Variants in ERP44 observed in about 807,000 individuals in gnomAD.
ERP44 encodes endoplasmic reticulum protein 44.
A neutral mutation model predicts 53.4 loss-of-function variants in ERP44; 25 were observed. The ratio of observed to expected loss-of-function variants is 0.47; its 90% CI spans 0.34 to 0.65. The LOEUF (loss-of-function observed/expected upper bound fraction) is 0.65. Ranked by LOEUF, ERP44 falls within the 30% of genes least tolerant of loss-of-function variation. The pLI is 0.01. For missense variants in ERP44, 338 were observed against 493.2 expected, an observed-to-expected ratio of 0.69 and a Z score of 2.98; for synonymous variants, 145 against 161.2, an observed-to-expected ratio of 0.90 and a Z score of 0.76.
At chr9:100,097,753 G>A (rs1422110150) in intron 1 of ERP44, among the ~76,000 whole-genome samples, 2 of 152,198 alleles carry the variant, frequency 1.3e-5, no homozygotes, top group African/African-American at 4.8e-5. Flanking sequence ...AACATTTAAT[G>A]GGATATGGCG....
At chr9:100,068,854 G>GA (rs1432871937) in intron 1 of ERP44, among the ~76,000 whole-genome samples, 1 of 152,250 alleles carries the variant, frequency 6.6e-6, no homozygotes, top group Non-Finnish European at 1.5e-5. Context: ...GGAAAGGGGG[G>GA]AAAGGTGGGG....
rs541468591 is a variant in ERP44, at chr9:100,010,038, G to C, written c.763-2349C>G. Among the ~76,000 whole-genome samples, 9 of 152,122 alleles carry C rather than the reference G, an allele frequency of 5.9e-5. No homozygotes were observed. In the South Asian group the frequency reaches 1.0e-3, roughly 18 times the overall value. ...GTGCCCCTCATGTGGCACGGGGCAT[G>C]ACTTTGTGTTACGTTATCTGTACAT... On this transcript the variant is annotated intron_variant, in intron 8 of 11. Coordinates refer to ENST00000262455, the MANE Select transcript of ERP44 (RefSeq NM_015051.3).
intron 8 of ERP44, among the ~76,000 whole-genome samples, chr9:100,009,261 A>G (rs1161817620): frequency 6.6e-6 from 1 of 152,124 alleles, no homozygotes; most frequent in Non-Finnish European, 1.5e-5. Flanking sequence ...ACAAGTGCAC[A>G]TCACCATGCC....
intron 1 of ERP44, among the ~76,000 whole-genome samples, chr9:100,079,341 C>T (rs1364880524): frequency 6.6e-6 from 1 of 151,924 alleles, no homozygotes; most frequent in Non-Finnish European, 1.5e-5. Flanking sequence ...TCTCCTTGCT[C>T]CTCAGCTTGC....
At chr9:99,986,265 T>A (rs1422804619) in intron 10 of ERP44, among the ~76,000 whole-genome samples, 1 of 152,222 alleles carries the variant, frequency 6.6e-6, no homozygotes, top group African/African-American at 2.4e-5. Flanking sequence ...CAAGCATGTC[T>A]TTTTTAAATT....
Position 99,982,531 on chromosome 9 carries a change from A to T in ERP44, c.*81T>A. ...TATTCAAAATAAAAATACACATAGA[A>T]TTATGAAAATATAGGTTTACTATTT... On this transcript the variant is annotated 3_prime_UTR_variant, in exon 12 of 12. Coordinates refer to ENST00000262455, the MANE Select transcript of ERP44 (RefSeq NM_015051.3). 1.6e-6 allele frequency: 1 copy of T among 630,188 alleles called. No individual in the cohort carries two copies. The highest frequency in any genetic ancestry group is 2.4e-6 in the Non-Finnish European group (1 of 413,488). 39.0% of individuals were successfully genotyped at this position (630,188 alleles called of 1,614,324 possible).
chr9:100,089,246 G>A (rs186091666), intron 1 of ERP44, among the ~76,000 whole-genome samples: 6 of 152,144 alleles, frequency 3.9e-5, no homozygotes, highest in African/African-American at 9.6e-5. Context: ...ACTTAATAAT[G>A]GCTCCAAAGC....
rs146487458 is a variant in ERP44 at position 100,043,487 on chromosome 9, G to A, written c.286+8930C>T. On this transcript the variant is annotated intron_variant, in intron 4 of 11. Coordinates refer to ENST00000262455, the MANE Select transcript of ERP44 (RefSeq NM_015051.3). ...AAATATCTTTTGGCCTGGCGCAGTG[G>A]CTCACGCCTGTAGTCCCAGAACTTT... Among the ~76,000 whole-genome samples, 526 of 152,084 alleles carry A rather than the reference G, an allele frequency of 3.5e-3. 2 individuals carry two copies. Among genetic ancestry groups the A allele is most frequent in the African/African-American group, 0.011 (472 of 41,486 alleles).
At chr9:99,982,898 T>C (rs1371455067) in intron 11 of ERP44, among the ~76,000 whole-genome samples, 185 bp from the exon 12 acceptor site, 2 of 152,206 alleles carry the variant, frequency 1.3e-5, no homozygotes, top group Admixed American at 6.5e-5. Flanking sequence ...CAAATGCTCT[T>C]ATTGAGATTC....
In ERP44 at chr9:99,989,471, C is replaced by A. The variant is rs1356782625; in HGVS notation, c.1017-4402G>T. ...AGGGACCTGACTGTTAGTAGGAAAACTAACAAACAGAAAGGAATAGCACCA... is the reference window on the plus strand; with the variant it reads ...AGGGACCTGACTGTTAGTAGGAAAAATAACAAACAGAAAGGAATAGCACCA... On this transcript the variant is annotated intron_variant, in intron 10 of 11. Transcript: ENST00000262455. 2.0e-5 allele frequency among the ~76,000 whole-genome samples: 3 copies of A among 152,144 alleles called. No individual in the cohort carries two copies. The East Asian group carries it at 5.8e-4, about 29-fold the overall frequency.
rs916225599 is a variant in ERP44, at chr9:100,087,897, C to A, written c.57+10887G>T. 3.3e-5 allele frequency among the ~76,000 whole-genome samples: 5 copies of A among 152,244 alleles called. No individual in the cohort carries two copies. In the South Asian group the frequency reaches 1.0e-3, roughly 32 times the overall value. On this transcript the variant is annotated intron_variant, in intron 1 of 11. Coordinates refer to ENST00000262455, the MANE Select transcript of ERP44 (RefSeq NM_015051.3). ...TAAAATGTTATCAGTGGTTAGTGTA[C>A]GCATTTTTTTCTTCATTATGCTTTT...
At chr9:100,026,972 A>G (rs922293641) in intron 4 of ERP44, among the ~76,000 whole-genome samples, 1 of 152,188 alleles carries the variant, frequency 6.6e-6, no homozygotes, top group Non-Finnish European at 1.5e-5. Context: ...TCTAAACTTG[A>G]TGAATTAGGG....
chr9:100,074,957 C>G (rs932839428), intron 1 of ERP44, among the ~76,000 whole-genome samples: 3 of 152,156 alleles, frequency 2.0e-5, no homozygotes, highest in African/African-American at 4.8e-5. Flanking sequence ...TGGCAGAACC[C>G]CCACATTGGC....
Position 100,098,787 on chromosome 9 carries a change from G to C in ERP44, c.54C>G (p.Leu18=). ...GGTCTGTCATTCCCTCACTCACCAG[G>C]AGCAGAAGGGAGCATCTGAGGTCGG... is the stretch of plus-strand genomic sequence containing the variant. ...SLPDLRCSLL[L]LVTWVFTPVT... The change falls in exon 1 of 12, where the codon CTC becomes CTG. Residue 18 remains leucine (L), a synonymous_variant. Transcript: ENST00000262455. The C allele has an allele frequency of 6.2e-7, 1 of 1,613,650 alleles. No homozygotes were observed. Among genetic ancestry groups the C allele is most frequent in the Non-Finnish European group, 8.5e-7 (1 of 1,179,616 alleles).
At chr9:100,087,097 G>A (rs192768748) in intron 1 of ERP44, among the ~76,000 whole-genome samples, 41 of 149,724 alleles carry the variant, frequency 2.7e-4, no homozygotes, top group African/African-American at 8.3e-4. Context: ...GCTAAGTGAC[G>A]TGTCCAAATT....
At chr9:100,078,891 C>A (rs1042310468) in intron 1 of ERP44, among the ~76,000 whole-genome samples, 2 of 152,038 alleles carry the variant, frequency 1.3e-5, no homozygotes, top group Non-Finnish European at 2.9e-5. Context: ...GGGATTGGTG[C>A]CTTTCAGGTT....
intron 4 of ERP44, among the ~76,000 whole-genome samples, chr9:100,042,085 G>A (rs745991629): frequency 6.6e-6 from 1 of 152,062 alleles, no homozygotes; most frequent in Non-Finnish European, 1.5e-5. Flanking sequence ...AAAAGCTTTC[G>A]CACAGCAAAG....
At chr9:100,060,339 T>C (rs995637737) in intron 1 of ERP44, among the ~76,000 whole-genome samples, 167 bp from the exon 2 acceptor site, 3 of 152,168 alleles carry the variant, frequency 2.0e-5, no homozygotes, top group Admixed American at 6.5e-5. Flanking sequence ...ATAAATGAAA[T>C]AGGAGAAATA....
chr9:99,990,523 A>G (rs898867687), intron 10 of ERP44, among the ~76,000 whole-genome samples: 3 of 152,224 alleles, frequency 2.0e-5, no homozygotes, highest in African/African-American at 7.2e-5. Context: ...AGTACTAAAC[A>G]TGGAAAGGAA....
Sources: gnomAD v4.1 joint callset for allele counts (sites outside exome capture counted in the v4.1 genomes callset) on GRCh38, gnomAD v4.1.1 for gene constraint, MANE v1.5 for transcripts, NCBI Gene and HGNC (gene_info 2026-07-23, HGNC 2026-07-21) for gene names.